ANO6: variants seen among roughly 807,000 people sequenced by gnomAD.
ANO6 encodes anoctamin 6.
A neutral mutation model predicts 117.5 loss-of-function variants in ANO6; 106 were observed. The ratio of observed to expected loss-of-function variants is 0.90; its 90% CI spans 0.77 to 1.06. The LOEUF is 1.06. ANO6 is among the 50% of genes least tolerant of loss of function. The pLI is 0.00. For synonymous variants in ANO6, 367 were observed against 385.1 expected (o/e 0.95, Z 0.55); for missense variants, 955 against 1,121.1 (o/e 0.85, Z 2.12).
chr12:45,249,748 T>C (rs1051231793), intron 1 of ANO6, among the ~76,000 whole-genome samples: 7 of 152,162 alleles, frequency 4.6e-5, no homozygotes, highest in Admixed American at 4.6e-4. Context: ...CAAAAATAAT[T>C]CAACCATTTA....
rs1215980528 is a variant in ANO6, at chr12:45,414,532, C to T, written c.2012-2167C>T. The stretch of plus-strand genomic sequence containing the variant: ...GTATCACTTTATAATATATAAAAAC[C>T]CATGAATATTTGCATCTCCTCTTAA... On this transcript the variant is annotated intron_variant, in intron 16 of 19. Transcript: ENST00000320560. 2.0e-5 allele frequency among the ~76,000 whole-genome samples: 3 copies of T among 152,028 alleles called. No homozygotes were observed. The East Asian group carries it at 5.8e-4, about 29-fold the overall frequency.
intron 19 of ANO6, among the ~76,000 whole-genome samples, chr12:45,438,463 A>C (rs1232695312): frequency 6.6e-6 from 1 of 152,142 alleles, no homozygotes; most frequent in Non-Finnish European, 1.5e-5. Flanking sequence ...TGATGCCATG[A>C]GTGGAAAATT....
chr12:45,378,355 G>C (rs1176683398), intron 10 of ANO6, among the ~76,000 whole-genome samples: 1 of 151,580 alleles, frequency 6.6e-6, no homozygotes, highest in Non-Finnish European at 1.5e-5. Context: ...TCATTCTCTG[G>C]GTCAGCTGAG....
At position 45,403,055 on chromosome 12, in the gene ANO6, CTTTCT is replaced by C. The variant is rs759980590; in HGVS notation, c.1613-13_1613-9del. The C allele has an allele frequency of 3.7e-6, 6 of 1,612,638 alleles. No homozygotes were observed. Among genetic ancestry groups the C allele is most frequent in the East Asian group, 2.2e-5 (1 of 44,832 alleles). ...TTCACAATTTTAAAATCTTATTTCT[CTTTCT>C]TTTAACTACAGAACTCCCAAGGACC... On this transcript the variant is annotated splice_polypyrimidine_tract_variant and intron_variant, in intron 13 of 19. Coordinates refer to ENST00000320560, the MANE Select transcript of ANO6 (RefSeq NM_001025356.3).
intron 8 of ANO6, among the ~76,000 whole-genome samples, chr12:45,360,797 A>G (rs1028860487): frequency 3.3e-5 from 5 of 152,146 alleles, no homozygotes; most frequent in African/African-American, 1.2e-4. Flanking sequence ...GTCCTGCTTT[A>G]TCATTTTCCA....
At chr12:45,373,461 A>G (rs566152954) in intron 9 of ANO6, among the ~76,000 whole-genome samples, 15 of 152,298 alleles carry the variant, frequency 9.8e-5, no homozygotes, top group African/African-American at 3.4e-4. Context: ...ATACTTGGAA[A>G]TAAAGCTCTC....
intron 12 of ANO6, among the ~76,000 whole-genome samples, chr12:45,390,782 A>C (rs1171458950): frequency 6.6e-6 from 1 of 152,170 alleles, no homozygotes; most frequent in Non-Finnish European, 1.5e-5. Flanking sequence ...GTGAAGACCA[A>C]ATGGAAGGCA....
At chr12:45,239,510 T>A (rs899124171) in intron 1 of ANO6, among the ~76,000 whole-genome samples, 2 of 144,404 alleles carry the variant, frequency 1.4e-5, no homozygotes, top group South Asian at 2.4e-4. Flanking sequence ...TTCATTGATT[T>A]TTTTTTTTTG....
At position 45,403,435 on chromosome 12, in the gene ANO6, C is replaced by G. The variant is rs769897508; in HGVS notation, c.1783-4C>G. The G allele has an allele frequency of 1.4e-5, 22 of 1,610,856 alleles. No individual in the cohort carries two copies. Among genetic ancestry groups the G allele is most frequent in the Non-Finnish European group, 1.9e-5 (22 of 1,177,222 alleles). On this transcript the variant is annotated splice_polypyrimidine_tract_variant and splice_region_variant and intron_variant, in intron 14 of 19. Coordinates refer to ENST00000320560, the MANE Select transcript of ANO6 (RefSeq NM_001025356.3). Reference sequence around the variant, plus strand: ...TAAATGGTATTTTCTTTTTAACCTTCTAGTGTGACCCAGGTGGCTGTCTTC... The same window carrying G: ...TAAATGGTATTTTCTTTTTAACCTTGTAGTGTGACCCAGGTGGCTGTCTTC...
chr12:45,256,241 T>G (rs11182949), intron 1 of ANO6, among the ~76,000 whole-genome samples: 14,567 of 152,162 alleles, frequency 0.096, 947 homozygotes, highest in East Asian at 0.37. Context: ...GATGACCAAA[T>G]ATGAAGAATT....
At chr12:45,225,613 C>T (rs142285054) in intron 1 of ANO6, among the ~76,000 whole-genome samples, 2,082 of 152,110 alleles carry the variant, frequency 0.014, 38 homozygotes, top group African/African-American at 0.046. Context: ...ATCAGCCTCC[C>T]GAGTAGCTGG....
At chr12:45,288,892 C>T (rs999559863) in intron 1 of ANO6, among the ~76,000 whole-genome samples, 8 of 151,836 alleles carry the variant, frequency 5.3e-5, no homozygotes, top group Non-Finnish European at 1.0e-4. Context: ...GGACTACAGG[C>T]GCCTGCCACC....
chr12:45,251,488 G>A (rs1947900255), intron 1 of ANO6, among the ~76,000 whole-genome samples: 1 of 152,208 alleles, frequency 6.6e-6, no homozygotes, highest in Admixed American at 6.5e-5. Flanking sequence ...GTGAGGATTT[G>A]GAAGGCTGGG....
At chr12:45,238,179 C>G (rs1592853293) in intron 1 of ANO6, among the ~76,000 whole-genome samples, 1 of 134,586 alleles carries the variant, frequency 7.4e-6, no homozygotes, top group African/African-American at 3.0e-5. Context: ...GAGACAGAGT[C>G]TCACTCTGTC....
At position 45,429,481 on chromosome 12, in the gene ANO6, A is replaced by C; in HGVS notation, c.*170A>C. On this transcript the variant is annotated 3_prime_UTR_variant, in exon 20 of 20. Transcript: ENST00000320560. ...TCAGCTAGCGATGCAGAAACTGGAAAATGTAAAACTTAGATCATGAAGGGC... is the reference window on the plus strand; with the variant it reads ...TCAGCTAGCGATGCAGAAACTGGAACATGTAAAACTTAGATCATGAAGGGC... 1 of 1,444,290 alleles carries C rather than the reference A, an allele frequency of 6.9e-7. No homozygotes were observed. The highest frequency in any genetic ancestry group is 9.1e-7 in the Non-Finnish European group (1 of 1,104,610). The allele number at this position is 1,444,290 out of a possible 1,614,324, so 89.5% of individuals were successfully genotyped here.
rs1286199658 is a variant in ANO6, at chr12:45,216,402, G to A, written c.70+11G>A. On this transcript the variant is annotated intron_variant, in intron 1 of 19. Coordinates refer to ENST00000320560, the MANE Select transcript of ANO6 (RefSeq NM_001025356.3). ...ACGATGGGGATATCGGTGAGCGAGG[G>A]GTCCCCGCGTCCCCACCCGAGAGCC... The A allele has an allele frequency of 6.2e-7, 1 of 1,609,396 alleles. No homozygotes were observed. Among genetic ancestry groups the A allele is most frequent in the South Asian group, 1.1e-5 (1 of 90,422 alleles).
At chr12:45,311,148 A>G (rs1452615393) in intron 2 of ANO6, among the ~76,000 whole-genome samples, 3 of 152,088 alleles carry the variant, frequency 2.0e-5, no homozygotes, top group Non-Finnish European at 4.4e-5. Context: ...GCCTGGTGAC[A>G]GCATGCTTAT....
chr12:45,437,257 G>C (rs1450911138), downstream of ANO6, among the ~76,000 whole-genome samples: 1 of 152,198 alleles, frequency 6.6e-6, no homozygotes, highest in Non-Finnish European at 1.5e-5. Flanking sequence ...AGCATAGAGT[G>C]GAGTTTCCAG....
intron 1 of ANO6, among the ~76,000 whole-genome samples, chr12:45,265,187 A>G (rs950867364): frequency 6.6e-6 from 1 of 152,216 alleles, no homozygotes; most frequent in African/African-American, 2.4e-5. Flanking sequence ...TGACTTTTAT[A>G]TAAAAGCAAC....
Sources: allele counts gnomAD v4.1 joint callset (sites outside exome capture counted in the v4.1 genomes callset), GRCh38; gene constraint gnomAD v4.1.1; transcripts MANE v1.5; gene names NCBI Gene and HGNC (gene_info 2026-07-23, HGNC 2026-07-21).